LRP6: variants seen among roughly 807,000 people sequenced by gnomAD.
LRP6 encodes LDL receptor related protein 6, also known as low-density lipoprotein receptor-related protein 6.
A neutral mutation model predicts 184.1 loss-of-function variants in LRP6; 43 were observed. That is an observed-to-expected ratio of 0.23 (90% CI 0.18 to 0.30). The LOEUF is 0.30. LRP6 is among the 10% of genes least tolerant of loss of function. The probability of loss-of-function intolerance (pLI) is 1.00; values close to 1 mark genes in which losing one functional copy is unlikely to be tolerated. For synonymous variants in LRP6, 719 were observed against 684.9 expected (o/e 1.05, Z -0.78); for missense variants, 1,571 against 2,005.3 (o/e 0.78, Z 4.14).
At chr12:12,139,353 G>A (rs1448545201) in intron 15 of LRP6, among the ~76,000 whole-genome samples, 1 of 152,186 alleles carries the variant, frequency 6.6e-6, no homozygotes, top group African/African-American at 2.4e-5. Flanking sequence ...GGCATTGCCT[G>A]AGTCAACATT....
chr12:12,175,950 G>A (rs557621208), intron 7 of LRP6, among the ~76,000 whole-genome samples: 1 of 151,256 alleles, frequency 6.6e-6, no homozygotes, highest in Admixed American at 6.6e-5. Flanking sequence ...AATTATCAAC[G>A]ATATATCTTG....
intron 1 of LRP6, among the ~76,000 whole-genome samples, chr12:12,253,134 C>T (rs1865365972): frequency 6.6e-6 from 1 of 152,056 alleles, no homozygotes; most frequent in African/African-American, 2.4e-5. Context: ...CGTGGTGGCG[C>T]GTGCCTGTAA....
intron 7 of LRP6, among the ~76,000 whole-genome samples, chr12:12,166,998 C>T (rs1166257519): frequency 1.3e-5 from 2 of 152,038 alleles, no homozygotes; most frequent in African/African-American, 4.8e-5. Flanking sequence ...ACTAGGGAGG[C>T]TAAAGCAGGC....
intron 1 of LRP6, among the ~76,000 whole-genome samples, chr12:12,258,014 T>C (rs991816594): frequency 6.6e-6 from 1 of 151,916 alleles, no homozygotes; most frequent in Non-Finnish European, 1.5e-5. Context: ...AGTTATATCC[T>C]AAAACCAGAA....
At chr12:12,236,622 T>G (rs982549987) in intron 2 of LRP6, among the ~76,000 whole-genome samples, 1 of 152,168 alleles carries the variant, frequency 6.6e-6, no homozygotes, top group African/African-American at 2.4e-5. Context: ...CCTCCAACAC[T>G]GCAGGCACCC....
chr12:12,132,562 A>C (rs1480572284), intron 17 of LRP6, among the ~76,000 whole-genome samples: 1 of 152,138 alleles, frequency 6.6e-6, no homozygotes, highest in East Asian at 1.9e-4. Flanking sequence ...GCTGCAAAAG[A>C]AATAGTGAAT....
At chr12:12,240,959 T>TTGC (rs1865049564) in intron 2 of LRP6, among the ~76,000 whole-genome samples, 2 of 152,180 alleles carry the variant, frequency 1.3e-5, no homozygotes, top group African/African-American at 4.8e-5. Context: ...GTCTGAACTG[T>TTGC]ATACTGCTAG....
At chr12:12,195,059 T>C (rs1372080279) in intron 3 of LRP6, among the ~76,000 whole-genome samples, 1 of 152,156 alleles carries the variant, frequency 6.6e-6, no homozygotes, top group Non-Finnish European at 1.5e-5. Context: ...CTAAATGGTA[T>C]TCCATTGTGT....
chr12:12,167,831 TTA>T (rs1170695304), intron 7 of LRP6, among the ~76,000 whole-genome samples: 1 of 152,140 alleles, frequency 6.6e-6, no homozygotes, highest in African/African-American at 2.4e-5. Context: ...ATTTAATTAT[TTA>T]ATGTAGTGCT....
At chr12:12,196,605 T>C (rs1863769713) in intron 3 of LRP6, among the ~76,000 whole-genome samples, 2 of 151,928 alleles carry the variant, frequency 1.3e-5, no homozygotes, top group Admixed American at 6.6e-5. Context: ...TTTTTTTTGG[T>C]AGAGCGTTCA....
chr12:12,178,197 A>G (rs57814006), intron 7 of LRP6, among the ~76,000 whole-genome samples: 96 of 152,350 alleles, frequency 6.3e-4, no homozygotes, highest in African/African-American at 2.2e-3. Context: ...ATGGTCACTC[A>G]GAACCTCCAT....
intron 17 of LRP6, among the ~76,000 whole-genome samples, chr12:12,134,531 TTAC>T (rs1156681175): frequency 2.0e-5 from 3 of 152,166 alleles, no homozygotes; most frequent in Admixed American, 6.5e-5. Flanking sequence ...TAAACCAATT[TTAC>T]TACAACAGTA....
At chr12:12,145,478 A>G (rs1191098159) in intron 15 of LRP6, among the ~76,000 whole-genome samples, 1 of 151,698 alleles carries the variant, frequency 6.6e-6, no homozygotes, top group Non-Finnish European at 1.5e-5. Flanking sequence ...GAAAATACTG[A>G]CATGTATGTC....
intron 2 of LRP6, among the ~76,000 whole-genome samples, chr12:12,210,234 G>C (rs1290250128): frequency 6.6e-6 from 1 of 152,138 alleles, no homozygotes; most frequent in African/African-American, 2.4e-5. Flanking sequence ...ACTAATGAAG[G>C]CAACAGAAGT....
At chr12:12,123,875 T>A (rs1325385936) in intron 22 of LRP6, among the ~76,000 whole-genome samples, 1 of 152,216 alleles carries the variant, frequency 6.6e-6, no homozygotes, top group Non-Finnish European at 1.5e-5. Context: ...TCTCTCAACT[T>A]TTCTAAAATT....
chr12:12,191,173 C>G (rs902661461), intron 3 of LRP6, among the ~76,000 whole-genome samples: 1 of 152,170 alleles, frequency 6.6e-6, no homozygotes, highest in Non-Finnish European at 1.5e-5. Flanking sequence ...ACAATGAATT[C>G]ATCGTCAGGC....
At chr12:12,237,744 A>G (rs750337211) in intron 2 of LRP6, among the ~76,000 whole-genome samples, 1 of 152,252 alleles carries the variant, frequency 6.6e-6, no homozygotes, top group Non-Finnish European at 1.5e-5. Context: ...TGACTGGCCA[A>G]TAATCTTCAA....
At chr12:12,171,454 G>A (rs749090803) in intron 7 of LRP6, among the ~76,000 whole-genome samples, 2 of 151,874 alleles carry the variant, frequency 1.3e-5, no homozygotes, top group African/African-American at 4.8e-5. Flanking sequence ...CCCGGGAGGT[G>A]GAGCTTGCAG....
At chr12:12,160,380 T>C (rs1317388892) in intron 10 of LRP6, among the ~76,000 whole-genome samples, 1 of 152,266 alleles carries the variant, frequency 6.6e-6, no homozygotes, top group Non-Finnish European at 1.5e-5. Context: ...GTTTTTAATA[T>C]GCTGAACTTA....
Sources: gnomAD v4.1 joint callset for allele counts (sites outside exome capture counted in the v4.1 genomes callset) on GRCh38, gnomAD v4.1.1 for gene constraint, MANE v1.5 for transcripts, NCBI Gene and HGNC (gene_info 2026-07-23, HGNC 2026-07-21) for gene names.